Variants in LPA observed in about 807,000 individuals in gnomAD.
The protein encoded by LPA is lipoprotein(a).
Under a neutral mutation model 197.9 loss-of-function variants are expected in LPA, and 199 were observed. The observed-to-expected ratio is 1.01, with a 90% CI of 0.90 to 1.13. The LOEUF (loss-of-function observed/expected upper bound fraction) is 1.13. Ranked by LOEUF, LPA falls within the 50% of genes most tolerant of loss-of-function variation. The pLI, the probability that LPA is intolerant of heterozygous loss-of-function variation, is 0.00. For synonymous variants in LPA, 715 were observed against 639.5 expected, an observed-to-expected ratio of 1.12 and a Z score of -1.78; for missense variants, 1,853 against 1,785.8, an observed-to-expected ratio of 1.04 and a Z score of -0.68.
At chr6:160,554,004 T>C (rs545970733) in intron 30 of LPA, among the ~76,000 whole-genome samples, 58 of 152,086 alleles carry the variant, frequency 3.8e-4, no homozygotes, top group Admixed American at 2.7e-3. Flanking sequence ...TGTATGGCTT[T>C]CATTGAGTTA....
chr6:160,587,919 T>C (rs1778945659), intron 24 of LPA, among the ~76,000 whole-genome samples: 1 of 152,152 alleles, frequency 6.6e-6, no homozygotes, highest in South Asian at 2.1e-4. Flanking sequence ...CAGTGAGTTC[T>C]TCATTAGAGA....
chr6:160,597,845 T>G (rs1779162799), intron 20 of LPA, among the ~76,000 whole-genome samples: 1 of 152,230 alleles, frequency 6.6e-6, no homozygotes, highest in Non-Finnish European at 1.5e-5. Context: ...GTAGTAAAGT[T>G]ATAAATTTAG....
intron 28 of LPA, among the ~76,000 whole-genome samples, chr6:160,572,166 C>G (rs955615932): frequency 1.3e-5 from 2 of 152,218 alleles, no homozygotes; most frequent in African/African-American, 4.8e-5. Flanking sequence ...GGTGAGGTGA[C>G]ACCCCACCCT....
At chr6:160,659,909 AG>A (rs1459952152) in intron 1 of LPA, among the ~76,000 whole-genome samples, 3 of 151,018 alleles carry the variant, frequency 2.0e-5, no homozygotes, top group Non-Finnish European at 1.5e-5. Flanking sequence ...TAAGGAAGAA[AG>A]TACAACGGGT....
At chr6:160,663,567 C>T (rs1780260457) in intron 1 of LPA, among the ~76,000 whole-genome samples, 1 of 152,164 alleles carries the variant, frequency 6.6e-6, no homozygotes, top group Non-Finnish European at 1.5e-5. Flanking sequence ...GGGGACCTAA[C>T]CCACTCAACA....
intron 1 of LPA, among the ~76,000 whole-genome samples, chr6:160,656,267 G>C (rs1780130907): frequency 6.6e-6 from 1 of 152,136 alleles, no homozygotes. Context: ...TATTGTTTTT[G>C]ATTTTTTTAT....
chr6:160,534,074 A>G (rs1016790062), intron 37 of LPA, among the ~76,000 whole-genome samples: 2 of 151,790 alleles, frequency 1.3e-5, no homozygotes, highest in Admixed American at 6.5e-5. Context: ...CTGCACTTAG[A>G]TCATTGTCTT....
chr6:160,545,379 T>G (rs868409652), intron 33 of LPA, 61 bp downstream of exon 33: 45 of 1,285,580 alleles, frequency 3.5e-5, no homozygotes, highest in Middle Eastern at 1.8e-4. Context: ...TTTTTTTGCT[T>G]TTTTTTTTCC....
chr6:160,598,824 G>C (rs41271006), intron 20 of LPA, among the ~76,000 whole-genome samples: 2,496 of 152,284 alleles, frequency 0.016, 93 homozygotes, highest in African/African-American at 0.058. Context: ...TCAATTCCCT[G>C]TGACCCAAGA....
At chr6:160,610,756 C>T (rs555550731) in intron 16 of LPA, among the ~76,000 whole-genome samples, 26 of 152,136 alleles carry the variant, frequency 1.7e-4, no homozygotes, top group Non-Finnish European at 3.4e-4. Context: ...TGCTTGAGCT[C>T]CATCTCCTTG....
chr6:160,583,520 T>A (rs1778839140), intron 26 of LPA, among the ~76,000 whole-genome samples: 1 of 152,136 alleles, frequency 6.6e-6, no homozygotes, highest in Non-Finnish European at 1.5e-5. Flanking sequence ...TGGTCAGAGC[T>A]CAAATACCTC....
rs774806393 is a variant in LPA at position 160,537,969 on chromosome 6, G to GA, written c.5736-9dup. 17 of 1,612,998 alleles carry GA rather than the reference G, an allele frequency of 1.1e-5. No homozygotes were observed. The highest frequency in any genetic ancestry group is 1.4e-5 in the Non-Finnish European group (16 of 1,179,140). ...TCAGTGATGACGGCAGGCCTGTAAGGAAAGTATTAGCAGTTATGTTTCACT... is the reference window on the plus strand; with the variant it reads ...TCAGTGATGACGGCAGGCCTGTAAGGAAAAGTATTAGCAGTTATGTTTCACT... On this transcript the variant is annotated splice_polypyrimidine_tract_variant and intron_variant, in intron 36 of 38. Coordinates refer to ENST00000316300, the MANE Select transcript of LPA (RefSeq NM_005577.4).
At chr6:160,556,240 C>A (rs1002131900) in intron 29 of LPA, 56 bp from the exon 30 acceptor site, 2 of 1,522,942 alleles carry the variant, frequency 1.3e-6, no homozygotes, top group Non-Finnish European at 1.8e-6. Context: ...ACATGTGAAG[C>A]AATTTATGAC....
Position 160,564,445 on chromosome 6 carries a change from T to G in LPA, c.4632-6874A>C, listed in dbSNP as rs560804166. On this transcript the variant is annotated intron_variant, in intron 28 of 38. Transcript: ENST00000316300. ...CCCTTGAACATCAGACTCCAATTTCTTCAGTTTTGGAATTCAGACTGGCTT... is the reference window on the plus strand; with the variant it reads ...CCCTTGAACATCAGACTCCAATTTCGTCAGTTTTGGAATTCAGACTGGCTT... Among the ~76,000 whole-genome samples the G allele has an allele frequency of 9.2e-5, 14 of 152,126 alleles. No homozygotes were observed. In the East Asian group the frequency reaches 2.7e-3, roughly 29 times the overall value.
At chr6:160,563,775 A>T (rs367794365) in intron 28 of LPA, among the ~76,000 whole-genome samples, 1 of 152,254 alleles carries the variant, frequency 6.6e-6, no homozygotes, top group Non-Finnish European at 1.5e-5. Flanking sequence ...TAAGTAGGAC[A>T]GTCAGATCTT....
chr6:160,605,013 T>G (rs1362037369), intron 18 of LPA, 33 bp downstream of exon 18: 1 of 1,612,288 alleles, frequency 6.2e-7, no homozygotes. Context: ...CCACTGACCC[T>G]TCCTTCACTT....
At chr6:160,597,863 A>T (rs1376612664) in intron 20 of LPA, among the ~76,000 whole-genome samples, 2 of 152,218 alleles carry the variant, frequency 1.3e-5, no homozygotes, top group Non-Finnish European at 2.9e-5. Flanking sequence ...TAGGACTCAC[A>T]CTGTGGATAT....
intron 30 of LPA, among the ~76,000 whole-genome samples, chr6:160,554,685 A>G (rs927227643): frequency 1.2e-4 from 18 of 152,106 alleles, no homozygotes; most frequent in African/African-American, 4.3e-4. Context: ...TCCTTTCCCC[A>G]GTAGTGGTTC....
chr6:160,605,949 A>G (rs1269039483), intron 17 of LPA, among the ~76,000 whole-genome samples: 1 of 152,112 alleles, frequency 6.6e-6, no homozygotes, highest in Non-Finnish European at 1.5e-5. Flanking sequence ...CCCACCTATG[A>G]CTGAGGAAGT....
Sources: allele counts gnomAD v4.1 joint callset (sites outside exome capture counted in the v4.1 genomes callset), GRCh38; gene constraint gnomAD v4.1.1; transcripts MANE v1.5; gene names NCBI Gene and HGNC (gene_info 2026-07-23, HGNC 2026-07-21).